FBXL17: variants seen among roughly 807,000 people sequenced by gnomAD.
FBXL17 encodes F-box and leucine rich repeat protein 17.
In FBXL17, 22 loss-of-function variants were observed where a neutral mutation model predicts 66.2. The ratio of observed to expected loss-of-function variants is 0.33; its 90% confidence interval spans 0.24 to 0.47. The LOEUF is 0.47. Ranked by LOEUF, FBXL17 falls within the 20% of genes least tolerant of loss-of-function variation. FBXL17 has a pLI of 1.00. For synonymous variants in FBXL17, 474 were observed against 400.5 expected (o/e 1.18, Z -2.19); for missense variants, 878 against 948.2 (o/e 0.93, Z 0.97).
chr5:107,917,371 A>G (rs919768), intron 7 of FBXL17, among the ~76,000 whole-genome samples: 121,261 of 152,116 alleles, frequency 0.8, 48,730 homozygotes, highest in African/African-American at 0.84. Flanking sequence ...AAAGCTGTGG[A>G]CTTTTTTTTT....
In FBXL17 at chr5:108,380,828, G is replaced by A. The variant is rs1336685574; in HGVS notation, c.864C>T (p.Ser288=). 6.4e-6 allele frequency: 8 copies of A among 1,247,682 alleles called. No individual in the cohort carries two copies. In the South Asian group the frequency reaches 2.9e-4, roughly 45 times the overall value. The allele number at this position is 1,247,682 out of a possible 1,614,324, so 77.3% of individuals were successfully genotyped here. A position where few individuals can be genotyped will look rare whatever the true frequency, so the allele number is the denominator to read the frequency against. ...CGCCACATTCATGCTGCTGCTGGGC[G>A]GACAAGGGGGCGGTGCCCCCGGCTC... is the stretch of plus-strand genomic sequence containing the variant. The part of the protein sequence containing the change: ...AVRAGGTAPL[S]AQQQHECGDA... Residue 288 remains serine (S), a synonymous_variant, in exon 1 of 9, where the codon TCC becomes TCT. Transcript: ENST00000542267.
intron 7 of FBXL17, among the ~76,000 whole-genome samples, chr5:107,975,614 TC>T (rs143121511): frequency 0.01 from 1,526 of 152,248 alleles, 21 homozygotes; most frequent in African/African-American, 0.035. Context: ...AATAAATGTA[TC>T]ATTGTCTGGG....
chr5:107,956,076 A>G lies in FBXL17; in HGVS notation c.1822+64849T>C, dbSNP rs1751653910. Among the ~76,000 whole-genome samples the G allele has an allele frequency of 2.6e-5, 4 of 152,190 alleles. No homozygotes were observed. The South Asian group carries it at 8.3e-4, about 32-fold the overall frequency. On this transcript the variant is annotated intron_variant, in intron 7 of 8. Coordinates refer to ENST00000542267, the MANE Select transcript of FBXL17 (RefSeq NM_001163315.3). Reference sequence around the variant, plus strand: ...ATCAATGGCAAAGGGGTTGTCATAAAACCATCAAAAACATAATCATTGTGT... The same window carrying G: ...ATCAATGGCAAAGGGGTTGTCATAAGACCATCAAAAACATAATCATTGTGT...
At chr5:107,928,267 A>T (rs569418853) in intron 7 of FBXL17, among the ~76,000 whole-genome samples, 131 of 152,146 alleles carry the variant, frequency 8.6e-4, no homozygotes, top group African/African-American at 2.9e-3. Context: ...AGGCAGTGAG[A>T]AAAAAGACTT....
chr5:108,272,834 A>C (rs1245334935), intron 4 of FBXL17, among the ~76,000 whole-genome samples: 1 of 152,204 alleles, frequency 6.6e-6, no homozygotes, highest in African/African-American at 2.4e-5. Flanking sequence ...TTATGTGTGT[A>C]TGTATATAAA....
intron 4 of FBXL17, among the ~76,000 whole-genome samples, chr5:108,232,793 A>ATATAT (rs1554077848): frequency 9.1e-6 from 1 of 109,782 alleles, no homozygotes; most frequent in African/African-American, 3.3e-5. Flanking sequence ...ATATATATAT[A>ATATAT]TATATATATA....
At chr5:108,085,415 G>A (rs1748930045) in intron 6 of FBXL17, among the ~76,000 whole-genome samples, 1 of 152,192 alleles carries the variant, frequency 6.6e-6, no homozygotes, top group Non-Finnish European at 1.5e-5. Context: ...GACTTCTACT[G>A]GGAAACCAAG....
chr5:108,302,367 TA>T (rs1758630461), intron 4 of FBXL17, among the ~76,000 whole-genome samples: 1 of 151,724 alleles, frequency 6.6e-6, no homozygotes, highest in Non-Finnish European at 1.5e-5. Flanking sequence ...AATCCCAAAA[TA>T]AAAGAAATAC....
intron 7 of FBXL17, among the ~76,000 whole-genome samples, chr5:107,941,381 C>T (rs928955362): frequency 1.8e-4 from 28 of 152,296 alleles, no homozygotes; most frequent in African/African-American, 6.7e-4. Flanking sequence ...TCATGGCTGA[C>T]CTCTGCTGTG....
intron 4 of FBXL17, among the ~76,000 whole-genome samples, chr5:108,263,936 C>T (rs936691283): frequency 6.6e-6 from 1 of 152,128 alleles, no homozygotes; most frequent in Non-Finnish European, 1.5e-5. Flanking sequence ...CTACTTTATG[C>T]CGGGTGCAGT....
intron 7 of FBXL17, among the ~76,000 whole-genome samples, chr5:108,006,294 G>A (rs1254377686): frequency 6.6e-6 from 1 of 152,122 alleles, no homozygotes; most frequent in Non-Finnish European, 1.5e-5. Flanking sequence ...TATAAGATAG[G>A]AAGAAGACAA....
At chr5:107,977,724 G>A (rs1371477562) in intron 7 of FBXL17, among the ~76,000 whole-genome samples, 1 of 152,188 alleles carries the variant, frequency 6.6e-6, no homozygotes, top group East Asian at 1.9e-4. Context: ...TCTCTGGGCA[G>A]GAAGTTCATA....
At chr5:107,934,708 C>G (rs1015971177) in intron 7 of FBXL17, among the ~76,000 whole-genome samples, 1 of 152,086 alleles carries the variant, frequency 6.6e-6, no homozygotes, top group African/African-American at 2.4e-5. Context: ...GAGGGAGAAT[C>G]CCAGCGATTG....
At chr5:108,224,478 A>G (rs1226375733) in intron 4 of FBXL17, among the ~76,000 whole-genome samples, 5 of 151,440 alleles carry the variant, frequency 3.3e-5, no homozygotes, top group African/African-American at 1.2e-4. Flanking sequence ...GCTACCTCCA[A>G]TTCTTTACCT....
chr5:108,309,682 A>C (rs927705780), intron 4 of FBXL17, among the ~76,000 whole-genome samples: 4 of 152,046 alleles, frequency 2.6e-5, no homozygotes, highest in African/African-American at 9.6e-5. Flanking sequence ...TTTTAATAAA[A>C]TACAACTTAC....
intron 4 of FBXL17, among the ~76,000 whole-genome samples, chr5:108,322,702 T>A (rs776587152): frequency 2.0e-5 from 3 of 151,910 alleles, no homozygotes; most frequent in Non-Finnish European, 2.9e-5. Flanking sequence ...TTACTCTAGA[T>A]CTCTCAAATC....
intron 8 of FBXL17, chr5:107,880,471 C>T: frequency 2.0e-6 from 2 of 993,562 alleles, no homozygotes; most frequent in Non-Finnish European, 2.4e-6. Context: ...ACAGGCCTTC[C>T]ACCAGGACCT....
intron 7 of FBXL17, among the ~76,000 whole-genome samples, chr5:107,985,418 A>G (rs1037051890): frequency 3.3e-5 from 5 of 152,306 alleles, no homozygotes; most frequent in Non-Finnish European, 7.3e-5. Flanking sequence ...GGTGATGCAG[A>G]CTGTGTAGTT....
intron 7 of FBXL17, among the ~76,000 whole-genome samples, chr5:107,896,322 G>T (rs1749380256): frequency 6.6e-6 from 1 of 151,742 alleles, no homozygotes; most frequent in African/African-American, 2.4e-5. Flanking sequence ...TAACAAAGGA[G>T]ATTAAAAAAA....
Sources: gnomAD v4.1 joint callset for allele counts (sites outside exome capture counted in the v4.1 genomes callset) on GRCh38, gnomAD v4.1.1 for gene constraint, MANE v1.5 for transcripts, NCBI Gene and HGNC (gene_info 2026-07-23, HGNC 2026-07-21) for gene names.